Variants in USP25 observed in about 807,000 individuals in gnomAD.
USP25 encodes the protein ubiquitin carboxyl-terminal hydrolase 25.
In USP25, 85 loss-of-function variants were observed where a neutral mutation model predicts 158.5. The observed-to-expected ratio is 0.54, with a 90% CI of 0.45 to 0.64. USP25 has a LOEUF of 0.64. Ranked by LOEUF, USP25 falls within the 30% of genes least tolerant of loss-of-function variation. The probability of loss-of-function intolerance (pLI) is 0.00; values close to 1 mark genes in which losing one functional copy is unlikely to be tolerated. For synonymous variants in USP25, 464 were observed against 460.4 expected, an observed-to-expected ratio of 1.01 and a Z score of -0.10; for missense variants, 1,242 against 1,327.3, an observed-to-expected ratio of 0.94 and a Z score of 1.00.
At chr21:15,745,621 A>G (rs2032483551) in intron 1 of USP25, among the ~76,000 whole-genome samples, 1 of 151,502 alleles carries the variant, frequency 6.6e-6, no homozygotes, top group African/African-American at 2.4e-5. Flanking sequence ...GATTACAGGC[A>G]TGCACCACCA....
At chr21:15,822,838 T>G (rs981707891) in intron 10 of USP25, among the ~76,000 whole-genome samples, 1 of 152,040 alleles carries the variant, frequency 6.6e-6, no homozygotes, top group Non-Finnish European at 1.5e-5. Context: ...TTTAATCCGT[T>G]TCAGGTATTA....
At chr21:15,802,581 CAG>C (rs2036185405) in intron 6 of USP25, among the ~76,000 whole-genome samples, 1 of 151,386 alleles carries the variant, frequency 6.6e-6, no homozygotes. Flanking sequence ...TGAGTAATGT[CAG>C]AATATTGTAA....
At chr21:15,755,153 T>G (rs553690882) in intron 1 of USP25, among the ~76,000 whole-genome samples, 56 of 145,014 alleles carry the variant, frequency 3.9e-4, no homozygotes, top group African/African-American at 1.3e-3. Context: ...TTTCTATCAG[T>G]TTTTTTTTTT....
chr21:15,801,709 A>G (rs867775736), intron 6 of USP25, among the ~76,000 whole-genome samples: 8 of 151,594 alleles, frequency 5.3e-5, no homozygotes, highest in South Asian at 2.1e-4. Flanking sequence ...GCTACATTCA[A>G]TTTGAACACT....
chr21:15,803,420 C>T (rs1282632415), intron 6 of USP25, among the ~76,000 whole-genome samples: 2 of 151,632 alleles, frequency 1.3e-5, no homozygotes, highest in Non-Finnish European at 3.0e-5. Flanking sequence ...AGAAGTGGGG[C>T]TTATCCAGGA....
At chr21:15,737,855 T>A (rs1025524228) in intron 1 of USP25, among the ~76,000 whole-genome samples, 2 of 152,042 alleles carry the variant, frequency 1.3e-5, no homozygotes, top group African/African-American at 4.8e-5. Context: ...CCCTTCAGAT[T>A]TTGGAATATT....
At chr21:15,793,079 G>C (rs1333426967) in intron 5 of USP25, among the ~76,000 whole-genome samples, 1 of 151,536 alleles carries the variant, frequency 6.6e-6, no homozygotes, top group Non-Finnish European at 1.5e-5. Flanking sequence ...AAAATATTAA[G>C]TATAGTTTTA....
intron 20 of USP25, among the ~76,000 whole-genome samples, chr21:15,859,650 G>T (rs1032607871): frequency 3.3e-5 from 5 of 152,082 alleles, no homozygotes; most frequent in African/African-American, 1.2e-4. Flanking sequence ...GTTTTACAGA[G>T]TCTGTTCAGT....
intron 20 of USP25, among the ~76,000 whole-genome samples, chr21:15,859,286 G>A (rs530853664): frequency 4.4e-4 from 67 of 151,248 alleles, no homozygotes; most frequent in African/African-American, 1.5e-3. Flanking sequence ...TCCGCCTCCC[G>A]GGTTCACGCC....
chr21:15,833,325 A>G (rs1198320994), intron 16 of USP25, 23 bp from the exon 17 acceptor site: 2 of 1,594,410 alleles, frequency 1.3e-6, no homozygotes, highest in Non-Finnish European at 1.7e-6. Flanking sequence ...ATTTTATACT[A>G]GTTTTTGAAA....
chr21:15,835,147 G>T (rs1012387280), intron 17 of USP25, among the ~76,000 whole-genome samples: 19 of 152,284 alleles, frequency 1.2e-4, no homozygotes, highest in Non-Finnish European at 2.4e-4. Context: ...GTGGGAGGAA[G>T]GGGCTGCATA....
chr21:15,827,706 C>G (rs1270468761), intron 14 of USP25, among the ~76,000 whole-genome samples: 1 of 150,104 alleles, frequency 6.7e-6, no homozygotes, highest in East Asian at 2.0e-4. Context: ...TGGCATGCAG[C>G]AAAATAAGAA....
chr21:15,878,219 G>GT, intron 25 of USP25, 84 bp from the exon 26 acceptor site: 1 of 1,512,780 alleles, frequency 6.6e-7, no homozygotes, highest in Non-Finnish European at 8.9e-7. Flanking sequence ...ACCTATTAGA[G>GT]TAAGTTAATA....
In USP25 at chr21:15,842,527, C is replaced by T. The variant is rs777467729; in HGVS notation, c.2324C>T (p.Thr775Ile). Residue 775 changes from threonine to isoleucine, a missense_variant, in exon 18 of 26, where the codon ACA becomes ATA. By Grantham distance (89) the Thr-to-Ile change is moderately conservative. This residue lies in a region of USP25 where 608 missense variants were observed against 605.2 expected (regional missense o/e 1.00). Transcript: ENST00000400183. Reference protein sequence around the residue: ...SHEHEDKSPETVLQSKPENTT... With the variant: ...SHEHEDKSPEIVLQSKPENTT... ...GAGCATGAAGATAAAAGTCCTGAAA[C>T]AGTTTTGCAGTCGGTAAGAACTTTT... is the stretch of plus-strand genomic sequence containing the variant. 13 of 1,613,360 alleles carry T rather than the reference C, an allele frequency of 8.1e-6. No individual in the cohort carries two copies. The Admixed American group carries it at 1.8e-4, about 23-fold the overall frequency.
intron 20 of USP25, among the ~76,000 whole-genome samples, chr21:15,859,359 A>G (rs1295159570): frequency 1.3e-5 from 2 of 151,764 alleles, no homozygotes; most frequent in Non-Finnish European, 2.9e-5. Flanking sequence ...CGCCTGGCTA[A>G]GTTTTTTTTG....
At chr21:15,832,414 A>G (rs1349386852) in intron 16 of USP25, among the ~76,000 whole-genome samples, 1 of 152,346 alleles carries the variant, frequency 6.6e-6, no homozygotes, top group East Asian at 1.9e-4. Context: ...GTCATTCAGA[A>G]TCAGCTAGGC....
chr21:15,736,002 G>GTGTGTGTA (rs2031471285), intron 1 of USP25, among the ~76,000 whole-genome samples: 1 of 150,764 alleles, frequency 6.6e-6, no homozygotes, highest in African/African-American at 2.5e-5. Context: ...GTGTGTGTGT[G>GTGTGTGTA]TATGTATGTA....
chr21:15,846,245 CT>C (rs993990494), intron 18 of USP25, among the ~76,000 whole-genome samples: 3 of 143,598 alleles, frequency 2.1e-5, no homozygotes, highest in Non-Finnish European at 4.5e-5. Flanking sequence ...TCTCTGCAAC[CT>C]CCGCCTCCCA....
intron 4 of USP25, among the ~76,000 whole-genome samples, chr21:15,779,311 TGAA>T (rs2034830051): frequency 6.6e-6 from 1 of 152,006 alleles, no homozygotes; most frequent in African/African-American, 2.4e-5. Flanking sequence ...ATAATTGTCT[TGAA>T]TAATTATGAA....
Sources: allele counts gnomAD v4.1 joint callset (sites outside exome capture counted in the v4.1 genomes callset), GRCh38; gene constraint gnomAD v4.1.1; regional missense constraint gnomAD v4.1.1; transcripts MANE v1.5; gene names NCBI Gene and HGNC (gene_info 2026-07-23, HGNC 2026-07-21).